TMEM131: variants seen among roughly 807,000 people sequenced by gnomAD.
The protein encoded by TMEM131 is transmembrane protein 131, also known as 2610524E03Rik.
A neutral mutation model predicts 211.6 loss-of-function variants in TMEM131; 66 were observed. That is an observed-to-expected ratio of 0.31 (90% CI 0.26 to 0.38). The LOEUF (loss-of-function observed/expected upper bound fraction) is 0.38. Among genes scored for constraint, TMEM131 ranks in the 10% least tolerant of loss-of-function variants. The pLI is 1.00. For missense variants in TMEM131, 2,036 were observed against 2,299.3 expected (o/e 0.89, Z 2.34); for synonymous variants, 844 against 841.3 (o/e 1.00, Z -0.06).
rs532839694 is a variant in TMEM131, at chr2:97,875,983, G to C, written c.359+12069C>G. ...AGATAGACCACTAGCCAGACTAATA[G>C]AGAAGAATCAAATAGATGCAATAAA... is the stretch of plus-strand genomic sequence containing the variant. On this transcript the variant is annotated intron_variant, in intron 4 of 40. Coordinates refer to ENST00000186436, the MANE Select transcript of TMEM131 (RefSeq NM_015348.2). Among the ~76,000 whole-genome samples, 3 of 150,986 alleles carry C rather than the reference G, an allele frequency of 2.0e-5. No individual in the cohort carries two copies. The East Asian group carries it at 5.9e-4, about 29-fold the overall frequency.
chr2:97,925,805 G>A (rs544836570), intron 2 of TMEM131, among the ~76,000 whole-genome samples: 60 of 151,998 alleles, frequency 3.9e-4, no homozygotes, highest in African/African-American at 1.2e-3. Context: ...TGATTTTTGA[G>A]GATTAAAAAA....
chr2:97,875,228 G>C (rs1231316214), intron 4 of TMEM131, among the ~76,000 whole-genome samples: 2 of 152,176 alleles, frequency 1.3e-5, no homozygotes, highest in Admixed American at 6.5e-5. Context: ...AGTTCTTAGA[G>C]ACCTACAAAG....
intron 4 of TMEM131, among the ~76,000 whole-genome samples, chr2:97,862,995 A>G (rs184881324): frequency 8.5e-4 from 129 of 152,310 alleles, no homozygotes; most frequent in African/African-American, 2.9e-3. Context: ...AAGAGAAAAG[A>G]AACAGAATTA....
chr2:97,901,538 T>C (rs563498952), intron 3 of TMEM131, among the ~76,000 whole-genome samples: 1 of 152,272 alleles, frequency 6.6e-6, no homozygotes, highest in South Asian at 2.1e-4. Flanking sequence ...TCAACCTAAG[T>C]GTCCATCAAT....
intron 4 of TMEM131, among the ~76,000 whole-genome samples, chr2:97,881,522 A>G (rs1295676254): frequency 2.0e-5 from 3 of 151,766 alleles, no homozygotes; most frequent in Non-Finnish European, 4.4e-5. Flanking sequence ...CTCTTTTTAG[A>G]GTAAAAAAAA....
At chr2:97,937,028 A>C (rs1030126865) in intron 1 of TMEM131, among the ~76,000 whole-genome samples, 5 of 152,126 alleles carry the variant, frequency 3.3e-5, no homozygotes, top group African/African-American at 9.7e-5. Flanking sequence ...TTTTCAAATA[A>C]ATTTAAAGAA....
intron 5 of TMEM131, among the ~76,000 whole-genome samples, chr2:97,849,784 A>G (rs1021300536): frequency 3.0e-5 from 4 of 133,636 alleles, no homozygotes; most frequent in African/African-American, 1.2e-4. Context: ...TCACTCAAGC[A>G]TATTTTAGCC....
chr2:97,858,846 C>T (rs1673950715), intron 5 of TMEM131, among the ~76,000 whole-genome samples: 1 of 152,198 alleles, frequency 6.6e-6, no homozygotes, highest in Admixed American at 6.5e-5. Context: ...GTGATTTCCC[C>T]TCAGAGCCTC....
At chr2:97,942,338 AG>A (rs1677772803) in intron 1 of TMEM131, among the ~76,000 whole-genome samples, 2 of 46,170 alleles carry the variant, frequency 4.3e-5, no homozygotes, top group South Asian at 8.7e-4. Context: ...GGGTGGGGGG[AG>A]GGGGGAGGGA....
Position 97,762,026 on chromosome 2 carries a change from C to A in TMEM131, c.4889+9G>T. On this transcript the variant is annotated intron_variant, in intron 36 of 40. Coordinates refer to ENST00000186436, the MANE Select transcript of TMEM131 (RefSeq NM_015348.2). ...AAGCTGAGAACCGGAAAGGAAGCAG[C>A]AGGCCTACCTGCTGGAGCTGCTGTT... The A allele has an allele frequency of 6.5e-7, 1 of 1,544,556 alleles. No individual in the cohort carries two copies. The highest frequency in any genetic ancestry group is 2.2e-5 in the Admixed American group (1 of 45,270).
chr2:97,951,202 G>C lies in TMEM131; in HGVS notation c.188-23715C>G, dbSNP rs533560644. Among the ~76,000 whole-genome samples the C allele has an allele frequency of 8.5e-5, 13 of 152,332 alleles. No homozygotes were observed. The East Asian group carries it at 2.5e-3, about 29-fold the overall frequency. ...AGGAAGTTAGAAAAACATGGAGTCA[G>C]TTAGGTTTGGTGTGTAGGTTCTGGT... On this transcript the variant is annotated intron_variant, in intron 1 of 40. Transcript: ENST00000186436.
At chr2:97,923,492 T>A (rs189444692) in intron 2 of TMEM131, among the ~76,000 whole-genome samples, 2 of 151,840 alleles carry the variant, frequency 1.3e-5, no homozygotes, top group East Asian at 3.9e-4. Flanking sequence ...TGTGGTGGCA[T>A]GTGCCTGTAG....
At chr2:97,891,933 T>C (rs1277190474) in intron 3 of TMEM131, among the ~76,000 whole-genome samples, 3 of 152,074 alleles carry the variant, frequency 2.0e-5, no homozygotes, top group South Asian at 4.1e-4. Flanking sequence ...CCACAAACAT[T>C]ACAGCCACAA....
chr2:97,784,779 A>G (rs1448425153), intron 31 of TMEM131, among the ~76,000 whole-genome samples: 1 of 152,186 alleles, frequency 6.6e-6, no homozygotes, highest in Non-Finnish European at 1.5e-5. Context: ...ATTGAAACAG[A>G]TAAGCAACGG....
chr2:97,757,153 A>G lies in TMEM131; in HGVS notation c.5598T>C (p.Ile1866=), dbSNP rs747125636. Residue 1866 remains isoleucine (I), a synonymous_variant, in exon 41 of 41, where the codon ATT becomes ATC. Coordinates refer to ENST00000186436, the MANE Select transcript of TMEM131 (RefSeq NM_015348.2). The stretch of plus-strand genomic sequence containing the variant: ...ACCAAGGGTCCGAGCTTCTTCTTCC[A>G]ATCGTGGGGCTCCATATCCGCCACG... ...YNPWRIWSPT[I]GRRSSDPWSN... 6.2e-7 allele frequency: 1 copy of G among 1,613,374 alleles called. No individual in the cohort carries two copies. Among genetic ancestry groups the G allele is most frequent in the South Asian group, 1.1e-5 (1 of 91,020 alleles).
At chr2:97,802,098 G>T in intron 24 of TMEM131, 137 bp from the exon 25 acceptor site, 2 of 547,472 alleles carry the variant, frequency 3.7e-6, no homozygotes, top group Non-Finnish European at 6.2e-6. Flanking sequence ...CAGATTTATA[G>T]CCTTAAGAAA....
intron 12 of TMEM131, among the ~76,000 whole-genome samples, chr2:97,816,947 T>C (rs139189188): frequency 5.0e-4 from 76 of 152,286 alleles, no homozygotes; most frequent in Non-Finnish European, 2.9e-4. Flanking sequence ...AGAGGTATTT[T>C]GTGTGGGGAT....
intron 1 of TMEM131, among the ~76,000 whole-genome samples, chr2:97,963,192 G>A (rs1678898331): frequency 6.6e-6 from 1 of 152,136 alleles, no homozygotes; most frequent in Admixed American, 6.6e-5. Context: ...AAACATAAAG[G>A]AAAGAAAAAG....
At chr2:97,940,318 A>G (rs1317175784) in intron 1 of TMEM131, among the ~76,000 whole-genome samples, 1 of 152,254 alleles carries the variant, frequency 6.6e-6, no homozygotes, top group Non-Finnish European at 1.5e-5. Flanking sequence ...CAACTTCAGC[A>G]AAGTCTCAGG....
Sources: allele counts gnomAD v4.1 joint callset (sites outside exome capture counted in the v4.1 genomes callset), GRCh38; gene constraint gnomAD v4.1.1; transcripts MANE v1.5; gene names NCBI Gene and HGNC (gene_info 2026-07-23, HGNC 2026-07-21).